NIPA1: variants seen among roughly 807,000 people sequenced by gnomAD.
The protein encoded by NIPA1 is magnesium transporter NIPA1.
Under a neutral mutation model 23.9 loss-of-function variants are expected in NIPA1, and 13 were observed. The ratio of observed to expected loss-of-function variants is 0.54; its 90% CI spans 0.35 to 0.87. The LOEUF (loss-of-function observed/expected upper bound fraction) is 0.87, where lower values mean the gene tolerates loss of function less well. Among genes scored for constraint, NIPA1 ranks in the 40% least tolerant of loss-of-function variants. NIPA1 has a pLI of 0.01. For missense variants in NIPA1, 362 were observed against 429.7 expected (o/e 0.84, Z 1.39); for synonymous variants, 234 against 202.9 (o/e 1.15, Z -1.30).
At chr15:22,816,235 C>T (rs1219050744) in intron 3 of NIPA1, among the ~76,000 whole-genome samples, 1 of 118,426 alleles carries the variant, frequency 8.4e-6, no homozygotes, top group Non-Finnish European at 1.6e-5. Context: ...TGTCACCAGG[C>T]TAGAGTTCAG....
chr15:22,796,375 G>A (rs1894938376), intron 1 of NIPA1, among the ~76,000 whole-genome samples: 1 of 152,038 alleles, frequency 6.6e-6, no homozygotes, highest in Non-Finnish European at 1.5e-5. Context: ...ACAATCCTTG[G>A]TCTTACTGAA....
rs538007967 is a variant in NIPA1, at chr15:22,806,280, G to A, written c.179-4469G>A. On this transcript the variant is annotated intron_variant, in intron 1 of 4. Transcript: ENST00000337435. The stretch of plus-strand genomic sequence containing the variant: ...TTTATAACTAAATGGAAGGTCTAAA[G>A]CCACATGCCCCTGGTTGGACAGCAT... 7.3e-4 allele frequency among the ~76,000 whole-genome samples: 111 copies of A among 152,314 alleles called. 2 individuals carry two copies. The highest frequency in any genetic ancestry group is 2.6e-3 in the African/African-American group (107 of 41,566).
intron 1 of NIPA1, among the ~76,000 whole-genome samples, chr15:22,789,473 C>G (rs1364621752): frequency 6.6e-6 from 1 of 152,112 alleles, no homozygotes; most frequent in African/African-American, 2.4e-5. Context: ...TGTGAGCCAC[C>G]CATCAAGGTG....
Position 22,812,179 on chromosome 15 carries a change from T to A in NIPA1, c.243T>A (p.Ile81=). Residue 81 remains isoleucine (I), a synonymous_variant, in exon 3 of 5, where the codon ATT becomes ATA. Coordinates refer to ENST00000337435, the MANE Select transcript of NIPA1 (RefSeq NM_144599.5). ...TCTTGACAGTGGCTGTTGGCCAGAT[T>A]GGAAACTTCCTGGCTTACACGGCGG... is the stretch of plus-strand genomic sequence containing the variant. ...AGTIAMAVGQ[I]GNFLAYTAVP... is the part of the protein sequence containing the mutation. 6.2e-7 allele frequency: 1 copy of A among 1,613,304 alleles called. No individual in the cohort carries two copies. Among genetic ancestry groups the A allele is most frequent in the South Asian group, 1.1e-5 (1 of 91,046 alleles).
chr15:22,818,860 A>G (rs1895477199), intron 3 of NIPA1, among the ~76,000 whole-genome samples: 1 of 152,144 alleles, frequency 6.6e-6, no homozygotes, highest in Non-Finnish European at 1.5e-5. Context: ...ATGGAATAAG[A>G]GATGATTTGG....
At position 22,823,986 on chromosome 15, in the gene NIPA1, G is replaced by C. The variant is rs1595648180; in HGVS notation, c.737G>C (p.Arg246Thr). Residue 246 changes from arginine (R) to threonine (T), a missense_variant, in exon 5 of 5, where the codon AGG (arginine) becomes ACG (threonine). Arg to Thr is a moderately conservative substitution (Grantham distance 71). This residue lies in a region of NIPA1 where 277 missense variants were observed against 372.0 expected (regional missense o/e 0.74). Transcript: ENST00000337435. ...VLGCSIIVQF[R>T]YINKALECFD... ...GGCTGCAGCATCATCGTCCAGTTCA[G>C]GTACATCAACAAGGCGCTGGAGTGC... The C allele has an allele frequency of 1.2e-6, 2 of 1,614,194 alleles. No homozygotes were observed. Among genetic ancestry groups the C allele is most frequent in the Non-Finnish European group, 1.7e-6 (2 of 1,180,038 alleles).
intron 1 of NIPA1, among the ~76,000 whole-genome samples, chr15:22,807,807 G>GTGTGTGT (rs1895241188): frequency 1.1e-5 from 1 of 94,378 alleles, no homozygotes; most frequent in African/African-American, 9.1e-5. Flanking sequence ...TGTGTGTGAT[G>GTGTGTGT]GAGTCTCTCT....
chr15:22,809,421 T>G (rs1330369467), intron 1 of NIPA1, among the ~76,000 whole-genome samples: 1 of 151,924 alleles, frequency 6.6e-6, no homozygotes, highest in Non-Finnish European at 1.5e-5. Context: ...TTCATTACTG[T>G]AATCTGTGGT....
intron 1 of NIPA1, among the ~76,000 whole-genome samples, chr15:22,808,878 C>T (rs994996201): frequency 1.3e-5 from 2 of 151,904 alleles, no homozygotes; most frequent in African/African-American, 4.8e-5. Flanking sequence ...CTATGTTGCC[C>T]AGGCTGACCT....
intron 1 of NIPA1, among the ~76,000 whole-genome samples, chr15:22,803,836 C>T (rs1185643409): frequency 6.6e-6 from 1 of 151,610 alleles, no homozygotes; most frequent in African/African-American, 2.4e-5. Flanking sequence ...CCCGCCACCA[C>T]GCCCGGCTAA....
At position 22,786,650 on chromosome 15, in the gene NIPA1, G is replaced by A; in HGVS notation, c.-7G>A. The A allele has an allele frequency of 9.8e-7, 1 of 1,019,762 alleles. No individual in the cohort carries two copies. Among genetic ancestry groups the A allele is most frequent in the Non-Finnish European group, 1.2e-6 (1 of 847,186 alleles). 63.2% of individuals were successfully genotyped at this position (1,019,762 alleles called of 1,614,324 possible). A position where few individuals can be genotyped will look rare whatever the true frequency, so the allele number is the denominator to read the frequency against. ...AGGCGCAGGCTCGGAGGGCGGGCGC[G>A]GGCGGAATGGGGACTGCAGCTGCGG... On this transcript the variant is annotated 5_prime_UTR_variant, in exon 1 of 5. Transcript: ENST00000337435.
intron 1 of NIPA1, among the ~76,000 whole-genome samples, chr15:22,799,765 G>T (rs1895029797): frequency 6.7e-6 from 1 of 148,510 alleles, no homozygotes; most frequent in African/African-American, 2.5e-5. Context: ...CTGGGCGACA[G>T]AGCAAGACTC....
intron 1 of NIPA1, among the ~76,000 whole-genome samples, chr15:22,809,488 G>A (rs1595639656): frequency 6.6e-6 from 1 of 152,064 alleles, no homozygotes; most frequent in Non-Finnish European, 1.5e-5. Flanking sequence ...CTGCACACCT[G>A]TAATCCAGCA....
At chr15:22,796,848 T>A (rs1273981495) in intron 1 of NIPA1, among the ~76,000 whole-genome samples, 1 of 152,064 alleles carries the variant, frequency 6.6e-6, no homozygotes, top group Non-Finnish European at 1.5e-5. Context: ...CTCTTTACTG[T>A]GATATAATTA....
At position 22,805,911 on chromosome 15, in the gene NIPA1, AT is replaced by A. The variant is rs999596852; in HGVS notation, c.179-4829del. 1.8e-4 allele frequency among the ~76,000 whole-genome samples: 27 copies of A among 150,942 alleles called. 1 individual carries two copies. The highest frequency in any genetic ancestry group is 6.3e-4 in the South Asian group (3 of 4,762). ...TATACTATAAAGCTGTATTTTATTT[AT>A]TTTTTTTTACTTATTTATTTATTTA... On this transcript the variant is annotated intron_variant, in intron 1 of 4. Transcript: ENST00000337435.
chr15:22,789,055 G>A (rs1479812105), intron 1 of NIPA1, among the ~76,000 whole-genome samples: 3 of 150,846 alleles, frequency 2.0e-5, no homozygotes, highest in Admixed American at 6.6e-5. Flanking sequence ...GTGCAATGGC[G>A]CGATCTTGGC....
rs954098148 is a variant in NIPA1 at position 22,827,199 on chromosome 15, C to T, written c.*2960C>T. 1 of 152,174 alleles carries T rather than the reference C, an allele frequency of 6.6e-6. No individual in the cohort carries two copies. The highest frequency in any genetic ancestry group is 2.4e-5 in the African/African-American group (1 of 41,426). 9.4% of individuals were successfully genotyped at this position (152,174 alleles called of 1,614,324 possible). A position where few individuals can be genotyped will look rare whatever the true frequency, so the allele number is the denominator to read the frequency against. On this transcript the variant is annotated 3_prime_UTR_variant, in exon 5 of 5. Coordinates refer to ENST00000337435, the MANE Select transcript of NIPA1 (RefSeq NM_144599.5). Reference sequence around the variant, plus strand: ...ATATGCAGATTTCTCTTGATAGATACTTAAATAGGCTATTTCTCTCCTCTT... The same window carrying T: ...ATATGCAGATTTCTCTTGATAGATATTTAAATAGGCTATTTCTCTCCTCTT...
intron 3 of NIPA1, among the ~76,000 whole-genome samples, chr15:22,819,712 C>T (rs964734514): frequency 2.0e-5 from 3 of 152,064 alleles, no homozygotes; most frequent in East Asian, 1.9e-4. Flanking sequence ...TTGTACCCTA[C>T]TTTTCCATGT....
At chr15:22,801,393 G>T (rs1223568752) in intron 1 of NIPA1, among the ~76,000 whole-genome samples, 1 of 152,026 alleles carries the variant, frequency 6.6e-6, no homozygotes, top group African/African-American at 2.4e-5. Context: ...CAGGCCTCAG[G>T]GTGCGTGGGG....
Sources: gnomAD v4.1 joint callset for allele counts (sites outside exome capture counted in the v4.1 genomes callset) on GRCh38, gnomAD v4.1.1 for gene constraint, gnomAD v4.1.1 regional missense constraint, MANE v1.5 for transcripts, NCBI Gene and HGNC (gene_info 2026-07-23, HGNC 2026-07-21) for gene names.